Variants in PPP2R3C observed in about 807,000 individuals in gnomAD.
PPP2R3C encodes serine/threonine-protein phosphatase 2A regulatory subunit B'' subunit gamma.
Under a neutral mutation model 63.7 loss-of-function variants are expected in PPP2R3C, and 47 were observed. That is an observed-to-expected ratio of 0.74 (90% CI 0.58 to 0.94). PPP2R3C has a LOEUF of 0.94. Ranked by LOEUF, PPP2R3C falls within the 40% of genes least tolerant of loss-of-function variation. PPP2R3C has a pLI of 0.00. For synonymous variants in PPP2R3C, 180 were observed against 177.4 expected, an observed-to-expected ratio of 1.01 and a Z score of -0.12; for missense variants, 421 against 518.4, an observed-to-expected ratio of 0.81 and a Z score of 1.82.
intron 4 of PPP2R3C, 116 bp from the exon 5 acceptor site, chr14:35,108,352 G>C: frequency 1.6e-6 from 2 of 1,212,430 alleles, no homozygotes; most frequent in Non-Finnish European, 2.2e-6. Context: ...GAACAATAGA[G>C]ACTCCTTATA....
chr14:35,096,750 G>C lies in PPP2R3C; in HGVS notation c.721C>G (p.Gln241Glu). The C allele has an allele frequency of 1.3e-6, 2 of 1,584,864 alleles. No individual in the cohort carries two copies. Among genetic ancestry groups the C allele is most frequent in the South Asian group, 2.3e-5 (2 of 86,452 alleles). Residue 241 changes from glutamine (Q) to glutamate (E), a missense_variant, in exon 8 of 13, where the codon CAA becomes GAA. Gln to Glu is a conservative substitution (Grantham distance 29, BLOSUM62 2). Coordinates refer to ENST00000261475, the MANE Select transcript of PPP2R3C (RefSeq NM_017917.4). ...AGGAAGCTGCATGCTAAAATATCTT[G>C]AATTTTTATCTTTCCTTTAAGAACA... ...DPLRTGKIKI[Q>E]DILACSFLDD... is the part of the protein sequence containing the mutation.
intron 12 of PPP2R3C, 52 bp from the exon 13 acceptor site, chr14:35,085,830 CACA>C: frequency 6.9e-7 from 1 of 1,444,712 alleles, no homozygotes. Context: ...ATTTCTATCA[CACA>C]TAGTGATCCA....
At chr14:35,118,404 A>G (rs2046767349) in intron 1 of PPP2R3C, among the ~76,000 whole-genome samples, 1 of 152,222 alleles carries the variant, frequency 6.6e-6, no homozygotes, top group Admixed American at 6.5e-5. Context: ...GATAGGATCT[A>G]GTACACTGAT....
intron 9 of PPP2R3C, among the ~76,000 whole-genome samples, chr14:35,095,663 AC>A (rs2045968261): frequency 6.7e-6 from 1 of 148,388 alleles, no homozygotes; most frequent in Admixed American, 6.8e-5. Context: ...ATAGTGAAAC[AC>A]CGTCTCTACT....
At chr14:35,108,055 A>G in intron 5 of PPP2R3C, 84 bp downstream of exon 5, 1 of 1,504,186 alleles carries the variant, frequency 6.6e-7, no homozygotes, top group South Asian at 1.3e-5. Context: ...GTGATTTCAC[A>G]TAGAAGAAAT....
intron 1 of PPP2R3C, among the ~76,000 whole-genome samples, chr14:35,119,077 G>C (rs1391637026): frequency 7.1e-6 from 1 of 140,742 alleles, no homozygotes; most frequent in African/African-American, 2.7e-5. Flanking sequence ...TCGTTCTATC[G>C]CCCAGGCTGG....
At chr14:35,120,759 C>A (rs1277526149) in intron 1 of PPP2R3C, among the ~76,000 whole-genome samples, 3 of 152,036 alleles carry the variant, frequency 2.0e-5, no homozygotes, top group South Asian at 2.1e-4. Context: ...CCAGCCCAGG[C>A]AACATAGCAA....
At chr14:35,114,954 A>T (rs565084771) in intron 2 of PPP2R3C, among the ~76,000 whole-genome samples, 2 of 151,942 alleles carry the variant, frequency 1.3e-5, no homozygotes, top group South Asian at 4.2e-4. Context: ...AGATCGTGCC[A>T]TTGCACTCCG....
In PPP2R3C at chr14:35,091,148, A is replaced by C. The variant is rs1164818543; in HGVS notation, c.1035T>G (p.Ala345=). The C allele has an allele frequency of 6.2e-7, 1 of 1,608,988 alleles. No homozygotes were observed. Among genetic ancestry groups the C allele is most frequent in the Non-Finnish European group, 8.5e-7 (1 of 1,176,616 alleles). Residue 345 remains alanine, a synonymous_variant, in exon 11 of 13, where the codon GCT becomes GCG. Transcript: ENST00000261475. ...LALENRKEPA[A]LQYIFKLLDI... ...CAAGCAGTTTGAAAATATATTGTAG[A>C]GCTGCAGGTTCCTTTCTGTTTTCTA...
chr14:35,121,934 C>G lies in PPP2R3C; in HGVS notation c.26G>C (p.Arg9Pro), dbSNP rs775556346. The G allele has an allele frequency of 1.2e-6, 2 of 1,614,156 alleles. No individual in the cohort carries two copies. Among genetic ancestry groups the G allele is most frequent in the Non-Finnish European group, 1.7e-6 (2 of 1,180,022 alleles). Residue 9 changes from arginine (R) to proline (P), a missense_variant, in exon 1 of 13, where the codon CGG (arginine) becomes CCG (proline). Arg to Pro is a moderately radical substitution (Grantham distance 103, BLOSUM62 -2). Transcript: ENST00000261475. The stretch of plus-strand genomic sequence containing the variant: ...ACAGGTGTTGGGCGTCGCTAGGCGC[C>G]GACGAAGAACTTCTTTCCAGTCCAT... The part of the protein sequence containing the change: MDWKEVLR[R>P]RLATPNTCPN...
chr14:35,087,689 T>G (rs954980853), intron 12 of PPP2R3C: 6 of 383,182 alleles, frequency 1.6e-5, no homozygotes, highest in Non-Finnish European at 2.4e-5. Context: ...CATGAGCCAC[T>G]GAGCCCGGCC....
chr14:35,103,693 AAG>A (rs2046263456), intron 6 of PPP2R3C, among the ~76,000 whole-genome samples: 1 of 152,212 alleles, frequency 6.6e-6, no homozygotes, highest in Non-Finnish European at 1.5e-5. Context: ...AAAGAAAAAA[AAG>A]AAATCTGGGC....
intron 6 of PPP2R3C, among the ~76,000 whole-genome samples, chr14:35,104,587 T>C (rs1448705891): frequency 6.6e-6 from 1 of 152,158 alleles, no homozygotes; most frequent in African/African-American, 2.4e-5. Flanking sequence ...AGAAGAAGCA[T>C]AGCCATTTGG....
At chr14:35,096,528 T>C in intron 9 of PPP2R3C, 30 bp downstream of exon 9, 1 of 1,583,918 alleles carries the variant, frequency 6.3e-7, no homozygotes, top group Non-Finnish European at 8.7e-7. Flanking sequence ...AATGGATAAT[T>C]CAAATTTTAG....
intron 2 of PPP2R3C, among the ~76,000 whole-genome samples, chr14:35,111,235 C>CAAAAAAAAAAAAAA (rs3058398): frequency 1.1e-5 from 1 of 89,794 alleles, no homozygotes. Flanking sequence ...CTCCATCTAC[C>CAAAAAAAAAAAAAA]AAAAAAAAAA....
At chr14:35,088,383 C>T (rs1419079508) in intron 11 of PPP2R3C, among the ~76,000 whole-genome samples, 1 of 152,100 alleles carries the variant, frequency 6.6e-6, no homozygotes, top group Admixed American at 6.6e-5. Flanking sequence ...TTATTCCTGC[C>T]TTCACTATTC....
At chr14:35,119,108 G>A (rs2046787820) in intron 1 of PPP2R3C, among the ~76,000 whole-genome samples, 1 of 149,926 alleles carries the variant, frequency 6.7e-6, no homozygotes, top group Non-Finnish European at 1.5e-5. Flanking sequence ...CGTAATCTCA[G>A]CTCACCGCAA....
At chr14:35,095,332 T>C in intron 9 of PPP2R3C, 148 bp from the exon 10 acceptor site, 1 of 758,036 alleles carries the variant, frequency 1.3e-6, no homozygotes, top group Non-Finnish European at 2.0e-6. Flanking sequence ...TGTAATACTA[T>C]CAGCTACCTT....
At chr14:35,099,901 A>G (rs2046130821) in intron 6 of PPP2R3C, 1 of 152,810 alleles carries the variant, frequency 6.5e-6, no homozygotes, top group South Asian at 2.1e-4. Flanking sequence ...CACCATGCCC[A>G]GCTAATTTTT....
Sources: allele counts gnomAD v4.1 joint callset (sites outside exome capture counted in the v4.1 genomes callset), GRCh38; gene constraint gnomAD v4.1.1; transcripts MANE v1.5; gene names NCBI Gene and HGNC (gene_info 2026-07-23, HGNC 2026-07-21).